The following FAM135B variants were observed in gnomAD, a reference collection of about 807,000 sequenced individuals.
The protein encoded by FAM135B is protein FAM135B.
A neutral mutation model predicts 127.7 loss-of-function variants in FAM135B; 43 were observed. The observed-to-expected ratio is 0.34, with a 90% confidence interval of 0.26 to 0.43. FAM135B has a LOEUF of 0.43. Ranked by LOEUF, FAM135B falls within the 20% of genes least tolerant of loss-of-function variation. FAM135B has a pLI of 1.00. For synonymous variants in FAM135B, 670 were observed against 665.1 expected, an observed-to-expected ratio of 1.01 and a Z score of -0.11; for missense variants, 1,558 against 1,725.6, an observed-to-expected ratio of 0.90 and a Z score of 1.72.
Position 138,201,652 on chromosome 8 carries a change from C to T in FAM135B, c.670-3983G>A, listed in dbSNP as rs114094431. 8.1e-3 allele frequency among the ~76,000 whole-genome samples: 1,229 copies of T among 152,180 alleles called. 13 individuals carry two copies. The highest frequency in any genetic ancestry group is 0.028 in the African/African-American group (1,160 of 41,514). ...GCATGAAGAGCATTGAAAAACCCTG[C>T]GCCATTTTCCCTAGCACAAAGCAGT... On this transcript the variant is annotated intron_variant, in intron 7 of 19. Transcript: ENST00000395297.
intron 7 of FAM135B, among the ~76,000 whole-genome samples, chr8:138,204,983 C>T (rs569739507): frequency 5.8e-4 from 89 of 152,218 alleles, no homozygotes; most frequent in African/African-American, 2.0e-3. Flanking sequence ...TACTAACAGT[C>T]TAGTGTTCAT....
chr8:138,248,007 T>C (rs191558675), intron 6 of FAM135B, among the ~76,000 whole-genome samples: 1 of 152,328 alleles, frequency 6.6e-6, no homozygotes, highest in African/African-American at 2.4e-5. Context: ...TTACATAGCA[T>C]TCACTAAATG....
At chr8:138,201,519 C>T (rs537618103) in intron 7 of FAM135B, among the ~76,000 whole-genome samples, 28 of 152,214 alleles carry the variant, frequency 1.8e-4, no homozygotes, top group East Asian at 5.8e-4. Flanking sequence ...CTCAGCAGCA[C>T]GACTTTTTGA....
At chr8:138,264,145 G>A (rs1383974118) in intron 4 of FAM135B, among the ~76,000 whole-genome samples, 2 of 152,020 alleles carry the variant, frequency 1.3e-5, no homozygotes, top group Admixed American at 1.3e-4. Context: ...CAGGCTCTTT[G>A]TCCTTACTGT....
Position 138,197,389 on chromosome 8 carries a change from C to T in FAM135B, c.823+127G>A, listed in dbSNP as rs16908552. The T allele has an allele frequency of 8.3e-3, 9,709 of 1,172,106 alleles. 505 individuals carry two copies. In the African/African-American group the frequency reaches 0.12, roughly 14 times the overall value. 72.6% of individuals were successfully genotyped at this position (1,172,106 alleles called of 1,614,324 possible). On this transcript the variant is annotated intron_variant, in intron 8 of 19. Coordinates refer to ENST00000395297, the MANE Select transcript of FAM135B (RefSeq NM_015912.4). The stretch of plus-strand genomic sequence containing the variant: ...CCTGGTAGAATAATAAAAATCACAG[C>T]CCAAACCTACCTGGACCAGGGTTAT...
chr8:138,280,590 A>G lies in FAM135B; in HGVS notation c.158-14748T>C, dbSNP rs545260564. Among the ~76,000 whole-genome samples the G allele has an allele frequency of 9.2e-5, 14 of 152,280 alleles. 1 individual carries two copies. The South Asian group carries it at 2.9e-3, about 32-fold the overall frequency. ...ATTTGCATGTCTGTATGAGTTCCTTAGAGTTCAGTAGTGCTGTGGTTCATC... is the reference window on the plus strand; with the variant it reads ...ATTTGCATGTCTGTATGAGTTCCTTGGAGTTCAGTAGTGCTGTGGTTCATC... On this transcript the variant is annotated intron_variant, in intron 3 of 19. Transcript: ENST00000395297.
At position 138,321,990 on chromosome 8, in the gene FAM135B, G is replaced by A. The variant is rs577858833; in HGVS notation, c.78-11070C>T. 9.2e-5 allele frequency among the ~76,000 whole-genome samples: 14 copies of A among 152,234 alleles called. No homozygotes were observed. In the South Asian group the frequency reaches 2.9e-3, roughly 32 times the overall value. On this transcript the variant is annotated intron_variant, in intron 2 of 19. Coordinates refer to ENST00000395297, the MANE Select transcript of FAM135B (RefSeq NM_015912.4). ...GTGTGAGCATGACTCTCTCAAAACC[G>A]GTCTTGTCTACATGAGCTTCAGGAG...
At chr8:138,387,083 C>T (rs1832263035) in intron 1 of FAM135B, among the ~76,000 whole-genome samples, 1 of 152,164 alleles carries the variant, frequency 6.6e-6, no homozygotes, top group Non-Finnish European at 1.5e-5. Flanking sequence ...CCCATTTAAT[C>T]TGACATATGT....
chr8:138,268,953 T>G (rs901331992), intron 3 of FAM135B, among the ~76,000 whole-genome samples: 1 of 150,400 alleles, frequency 6.6e-6, no homozygotes, highest in African/African-American at 2.5e-5. Flanking sequence ...AAAAAAGAGA[T>G]GAAAAGAAAA....
chr8:138,350,224 G>A (rs528374799), intron 2 of FAM135B, among the ~76,000 whole-genome samples: 9 of 152,122 alleles, frequency 5.9e-5, no homozygotes, highest in Non-Finnish European at 1.2e-4. Context: ...CCCAGAATAT[G>A]TTACATGAAG....
rs1442961927 is a variant in FAM135B at position 138,138,997 on chromosome 8, C to T, written c.3890G>A (p.Ser1297Asn). ...GGGAAACCACTGACCTGTTTTTTGG[C>T]TTAGTTGGTAGAGGAAACATTTGCG... The part of the protein sequence containing the change: ...DLRKCFLYQL[S>N]QKTGLQYFKN... The change falls in exon 18 of 20, where the codon AGC becomes AAC. Residue 1297 changes from serine to asparagine, a missense_variant. Coordinates refer to ENST00000395297, the MANE Select transcript of FAM135B (RefSeq NM_015912.4). The T allele has an allele frequency of 6.2e-7, 1 of 1,611,044 alleles. No individual in the cohort carries two copies. The highest frequency in any genetic ancestry group is 1.7e-5 in the Admixed American group (1 of 59,974).
At chr8:138,286,910 C>A (rs1221990294) in intron 3 of FAM135B, among the ~76,000 whole-genome samples, 8 of 152,196 alleles carry the variant, frequency 5.3e-5, no homozygotes, top group African/African-American at 1.9e-4. Flanking sequence ...AAATCCCAGG[C>A]CCACCAGTTT....
At chr8:138,137,377 C>T in intron 18 of FAM135B, 117 bp from the exon 19 acceptor site, 1 of 687,078 alleles carries the variant, frequency 1.5e-6, no homozygotes, top group East Asian at 2.5e-5. Flanking sequence ...GTTGACACAC[C>T]ACACACTAGT....
rs996900413 is a variant in FAM135B at position 138,152,894 on chromosome 8, C to G, written c.1581G>C (p.Gly527=). 1 of 1,614,180 alleles carries G rather than the reference C, an allele frequency of 6.2e-7. No homozygotes were observed. The highest frequency in any genetic ancestry group is 1.7e-5 in the Admixed American group (1 of 60,020). The change falls in exon 13 of 20, where the codon GGG becomes GGC. Residue 527 remains glycine (G), a synonymous_variant. Transcript: ENST00000395297. ...ECWTGQTSDA[G]TYPVADVDTS... ...TATCCACATCTGCCACTGGATATGT[C>G]CCAGCATCAGATGTTTGGCCAGTCC...
At chr8:138,225,354 G>A (rs1285604501) in intron 7 of FAM135B, among the ~76,000 whole-genome samples, 1 of 151,904 alleles carries the variant, frequency 6.6e-6, no homozygotes, top group African/African-American at 2.4e-5. Context: ...AAGCCAGGAA[G>A]AGAGCCCTCA....
At chr8:138,133,884 C>A (rs75068599) in intron 19 of FAM135B, among the ~76,000 whole-genome samples, 3 of 152,084 alleles carry the variant, frequency 2.0e-5, no homozygotes, top group Admixed American at 6.5e-5. Context: ...TTCTTTTCCC[C>A]CCCTTCTTAG....
chr8:138,329,653 T>G (rs1197107388), intron 2 of FAM135B, among the ~76,000 whole-genome samples: 1 of 152,036 alleles, frequency 6.6e-6, no homozygotes, highest in Non-Finnish European at 1.5e-5. Flanking sequence ...GAGGAGCAGG[T>G]AGAGTGAGGA....
intron 3 of FAM135B, among the ~76,000 whole-genome samples, chr8:138,276,820 C>T (rs773827710): frequency 5.3e-5 from 8 of 152,048 alleles, no homozygotes; most frequent in Admixed American, 6.6e-5. Context: ...GTCCGAATGC[C>T]TGCCAGGCAG....
intron 7 of FAM135B, among the ~76,000 whole-genome samples, chr8:138,217,426 A>ATT (rs1374641818): frequency 1.5e-5 from 2 of 135,116 alleles, no homozygotes; most frequent in African/African-American, 5.8e-5. Context: ...GTTCTCTGAT[A>ATT]TATTTCTTTT....
Sources: allele counts gnomAD v4.1 joint callset (sites outside exome capture counted in the v4.1 genomes callset), GRCh38; gene constraint gnomAD v4.1.1; transcripts MANE v1.5; gene names NCBI Gene and HGNC (gene_info 2026-07-23, HGNC 2026-07-21).